The following GLA variants were observed in gnomAD, a reference collection of about 807,000 sequenced individuals.
The protein encoded by GLA is galactosidase alpha.
Under a neutral mutation model 28.2 loss-of-function variants are expected in GLA, and 4 were observed. The observed-to-expected ratio is 0.14, with a 90% CI of 0.07 to 0.32. The LOEUF (loss-of-function observed/expected upper bound fraction) is 0.32. GLA is among the 10% of genes least tolerant of loss of function. The probability of loss-of-function intolerance (pLI) is 1.00; values close to 1 mark genes in which losing one functional copy is unlikely to be tolerated. For missense variants in GLA, 203 were observed against 323.7 expected (o/e 0.63, Z 2.86); for synonymous variants, 94 against 113.0 (o/e 0.83, Z 1.07).
chrX:101,401,564 C>G lies in GLA; in HGVS notation c.547+68G>C, dbSNP rs1555985765. On this transcript the variant is annotated intron_variant, in intron 3 of 6. Coordinates refer to ENST00000218516, the MANE Select transcript of GLA (RefSeq NM_000169.3). Reference sequence around the variant, plus strand: ...GTATTTAAAATTCTGAAGATTGGTTCTTTGGCTCAGCTACCATGGCCTCAA... The same window carrying G: ...GTATTTAAAATTCTGAAGATTGGTTGTTTGGCTCAGCTACCATGGCCTCAA... The G allele has an allele frequency of 5.4e-6, 5 of 922,183 alleles. No homozygotes were observed. In the African/African-American group the frequency reaches 9.7e-5, roughly 18 times the overall value. The allele number at this position is 922,183 out of a possible 1,213,427, so 76.0% of individuals were successfully genotyped here. A position where few individuals can be genotyped will look rare whatever the true frequency, so the allele number is the denominator to read the frequency against.
chrX:101,407,916 C>G lies in GLA; in HGVS notation c.-13G>C, dbSNP rs782051708. On this transcript the variant is annotated 5_prime_UTR_variant, in exon 1 of 7. Coordinates refer to ENST00000218516, the MANE Select transcript of GLA (RefSeq NM_000169.3). The stretch of plus-strand genomic sequence containing the variant: ...TCCTCAGCTGCATTGTCACGGTGAC[C>G]GGACAGCATAAATTTCCGCGGGTAA... The G allele has an allele frequency of 3.9e-5, 47 of 1,198,619 alleles. No homozygotes were observed. The highest frequency in any genetic ancestry group is 5.2e-5 in the Non-Finnish European group (46 of 885,208).
In GLA at chrX:101,401,783, C is replaced by G; in HGVS notation, c.396G>C (p.Gly132=). The G allele has an allele frequency of 8.3e-7, 1 of 1,211,228 alleles. No individual in the cohort carries two copies. Among genetic ancestry groups the G allele is most frequent in the Non-Finnish European group, 1.1e-6 (1 of 894,882 alleles). The change falls in exon 3 of 7, where the codon GGG becomes GGC. Residue 132 remains glycine, a synonymous_variant. Transcript: ENST00000218516. Reference sequence around the variant, plus strand: ...TTTTATTTCCAACATCTGCATAAATCCCTAGCTTCAGTCCTTTGCTGTGAA... The same window carrying G: ...TTTTATTTCCAACATCTGCATAAATGCCTAGCTTCAGTCCTTTGCTGTGAA... ...NYVHSKGLKL[G]IYADVGNKTC...
chrX:101,402,083 T>C (rs1248645351), intron 2 of GLA, among the ~76,000 whole-genome samples: 1 of 112,525 alleles, frequency 8.9e-6, no homozygotes, highest in African/African-American at 3.2e-5. Context: ...CCTGATGGGA[T>C]CCTGAAAATT....
intron 1 of GLA, among the ~76,000 whole-genome samples, chrX:101,405,973 G>A (rs1399426922): frequency 9.9e-6 from 1 of 100,519 alleles, no homozygotes; most frequent in Non-Finnish European, 2.0e-5. Flanking sequence ...GGGAGGCTGA[G>A]GCGGGCGAAT....
intron 4 of GLA, among the ~76,000 whole-genome samples, chrX:101,399,513 G>A (rs1210627632): frequency 3.6e-5 from 4 of 112,339 alleles, no homozygotes; most frequent in South Asian, 3.6e-4. Flanking sequence ...GCAGTGAGCC[G>A]AGATGGCGCC....
At position 101,406,905 on chromosome X, in the gene GLA, C is replaced by G. The variant is rs782011790; in HGVS notation, c.194+805G>C. ...GAATGGTCAAGCGCTGTGCTATGTA[C>G]TTTAAATAGGTTATCTCCTTGAAAA... On this transcript the variant is annotated intron_variant, in intron 1 of 6. Transcript: ENST00000218516. Among the ~76,000 whole-genome samples the G allele has an allele frequency of 6.2e-5, 7 of 112,785 alleles. No homozygotes were observed. The South Asian group carries it at 1.8e-3, about 29-fold the overall frequency.
At chrX:101,401,988 C>T (rs782623177) in intron 2 of GLA, among the ~76,000 whole-genome samples, 179 bp from the exon 3 acceptor site, 2 of 112,549 alleles carry the variant, frequency 1.8e-5, no homozygotes, top group South Asian at 7.3e-4. Flanking sequence ...AAGAATAAAT[C>T]CCCCAGTTCT....
intron 3 of GLA, 160 bp from the exon 4 acceptor site, chrX:101,400,917 C>T (rs869312325): frequency 2.9e-5 from 9 of 313,706 alleles, no homozygotes; most frequent in Non-Finnish European, 4.4e-5. Flanking sequence ...CTCACTGCAA[C>T]CTCTGTTTCC....
At chrX:101,403,244 A>G (rs1928380179) in intron 2 of GLA, among the ~76,000 whole-genome samples, 1 of 98,465 alleles carries the variant, frequency 1.0e-5, no homozygotes, top group African/African-American at 3.8e-5. Flanking sequence ...GCTTGCAGTG[A>G]GCCGAGATCG....
intron 4 of GLA, 48 bp downstream of exon 4, chrX:101,400,618 T>G (rs1555985479): frequency 1.4e-6 from 1 of 711,222 alleles, no homozygotes; most frequent in Non-Finnish European, 2.3e-6. Context: ...TGTTGTCAAG[T>G]TCTATCTATC....
Position 101,399,016 on chromosome X carries a change from G to A in GLA, c.640-70C>T. 4 of 942,344 alleles carry A rather than the reference G, an allele frequency of 4.2e-6. No individual in the cohort carries two copies. In the South Asian group the frequency reaches 5.9e-5, roughly 14 times the overall value. 77.7% of individuals were successfully genotyped at this position (942,344 alleles called of 1,213,427 possible). A position where few individuals can be genotyped will look rare whatever the true frequency, so the allele number is the denominator to read the frequency against. ...CCTTGTGAGATGAAAACAGTTTAAA[G>A]GAGGCACTTGTAGCCTTCTCTTGAG... is the stretch of plus-strand genomic sequence containing the variant. On this transcript the variant is annotated intron_variant, in intron 4 of 6. Coordinates refer to ENST00000218516, the MANE Select transcript of GLA (RefSeq NM_000169.3).
At chrX:101,406,305 C>T (rs1268082653) in intron 1 of GLA, among the ~76,000 whole-genome samples, 1 of 109,944 alleles carries the variant, frequency 9.1e-6, no homozygotes, top group African/African-American at 3.3e-5. Flanking sequence ...GTGCCAGGGT[C>T]TTGCCATTAG....
chrX:101,406,336 A>G (rs1555986829), intron 1 of GLA, among the ~76,000 whole-genome samples: 1 of 111,280 alleles, frequency 9.0e-6, no homozygotes, highest in African/African-American at 3.3e-5. Flanking sequence ...CATAAACATG[A>G]TCCATTTTTT....
chrX:101,401,531 G>T (rs782047833), intron 3 of GLA, 101 bp downstream of exon 3: 1 of 663,450 alleles, frequency 1.5e-6, no homozygotes, highest in Non-Finnish European at 2.5e-6. Context: ...TTCCAGTATT[G>T]TGACAGGGTA....
chrX:101,402,750 C>T (rs782086252), intron 2 of GLA, among the ~76,000 whole-genome samples: 37 of 107,716 alleles, frequency 3.4e-4, no homozygotes, highest in African/African-American at 1.1e-3. Flanking sequence ...GGCGACAGAG[C>T]GAGACTCCGT....
Position 101,399,064 on chromosome X carries a change from AAGG to A in GLA, c.640-121_640-119del, listed in dbSNP as rs1928205165. On this transcript the variant is annotated intron_variant, in intron 4 of 6. Transcript: ENST00000218516. ...GAGTTTACAGATTGAACGTCTCCAT[AAGG>A]AGGTCTAAACCCTTATAATGAATTT... 4.3e-5 allele frequency: 27 copies of A among 626,120 alleles called. No individual in the cohort carries two copies. The South Asian group carries it at 6.0e-4, about 14-fold the overall frequency. The allele number at this position is 626,120 out of a possible 1,213,427, so 51.6% of individuals were successfully genotyped here. A position where few individuals can be genotyped will look rare whatever the true frequency, so the allele number is the denominator to read the frequency against.
In GLA at chrX:101,407,891, T is replaced by A; in HGVS notation, c.13A>T (p.Asn5Tyr). ...GCGCAGCCCAGATGTAGTTCTGGGT[T>A]CCTCAGCTGCATTGTCACGGTGACC... MQLR[N>Y]PELHLGCALA... The change falls in exon 1 of 7, where the codon AAC (asparagine) becomes TAC (tyrosine). Residue 5 changes from asparagine (N) to tyrosine (Y), a missense_variant. Around this residue, in one of 3 missense-constraint regions of GLA, gnomAD observed 30 missense variants for 32.2 expected, o/e 0.93. Coordinates refer to ENST00000218516, the MANE Select transcript of GLA (RefSeq NM_000169.3). 1 of 1,210,441 alleles carries A rather than the reference T, an allele frequency of 8.3e-7. No individual in the cohort carries two copies. The highest frequency in any genetic ancestry group is 1.1e-6 in the Non-Finnish European group (1 of 894,291).
intron 4 of GLA, among the ~76,000 whole-genome samples, chrX:101,400,101 C>T (rs1467824600): frequency 9.0e-6 from 1 of 110,975 alleles, no homozygotes; most frequent in Non-Finnish European, 1.9e-5. Flanking sequence ...TGGATCAGTG[C>T]AGTTTGGTTT....
At chrX:101,405,324 TA>T (rs1458126429) in intron 1 of GLA, among the ~76,000 whole-genome samples, 1 of 111,251 alleles carries the variant, frequency 9.0e-6, no homozygotes, top group South Asian at 3.8e-4. Flanking sequence ...TTAATGGAAT[TA>T]AACAAAGTTT....
Sources: gnomAD v4.1 joint callset for allele counts (sites outside exome capture counted in the v4.1 genomes callset) on GRCh38, gnomAD v4.1.1 for gene constraint, gnomAD v4.1.1 regional missense constraint, MANE v1.5 for transcripts, NCBI Gene and HGNC (gene_info 2026-07-23, HGNC 2026-07-21) for gene names.